SEMA3E: variants seen among roughly 807,000 people sequenced by gnomAD.
SEMA3E encodes the protein semaphorin-3E.
In SEMA3E, 49 loss-of-function variants were observed where a neutral mutation model predicts 93.6. The ratio of observed to expected loss-of-function variants is 0.52; its 90% confidence interval spans 0.42 to 0.66. SEMA3E has a LOEUF of 0.66. SEMA3E is among the 30% of genes least tolerant of loss of function. SEMA3E has a pLI of 0.00. For synonymous variants in SEMA3E, 363 were observed against 330.7 expected (o/e 1.10, Z -1.06); for missense variants, 906 against 964.8 (o/e 0.94, Z 0.81).
At chr7:83,564,499 G>C (rs1361210222) in intron 1 of SEMA3E, among the ~76,000 whole-genome samples, 1 of 152,006 alleles carries the variant, frequency 6.6e-6, no homozygotes, top group Non-Finnish European at 1.5e-5. Flanking sequence ...TCTCTATTTT[G>C]TACTGTTGTT....
At chr7:83,498,278 C>T (rs1050976249) in intron 1 of SEMA3E, among the ~76,000 whole-genome samples, 7 of 152,148 alleles carry the variant, frequency 4.6e-5, no homozygotes, top group Non-Finnish European at 1.0e-4. Flanking sequence ...TGGGGTTTAG[C>T]ATCCCTAACT....
At chr7:83,531,253 A>G (rs1791288708) in intron 1 of SEMA3E, among the ~76,000 whole-genome samples, 1 of 146,484 alleles carries the variant, frequency 6.8e-6, no homozygotes, top group African/African-American at 2.5e-5. Flanking sequence ...AGAAAATCAA[A>G]CAAGGAGTAA....
intron 1 of SEMA3E, among the ~76,000 whole-genome samples, chr7:83,610,303 TG>T (rs1793223917): frequency 6.6e-6 from 1 of 152,122 alleles, no homozygotes; most frequent in Admixed American, 6.6e-5. Flanking sequence ...TGAATGTGTG[TG>T]CATACTGAGT....
At chr7:83,531,319 T>C (rs2115726603) in intron 1 of SEMA3E, among the ~76,000 whole-genome samples, 1 of 149,778 alleles carries the variant, frequency 6.7e-6, no homozygotes, top group East Asian at 2.0e-4. Context: ...TGTGTGCATG[T>C]GTGCTTCTTG....
intron 2 of SEMA3E, among the ~76,000 whole-genome samples, chr7:83,489,453 A>C (rs1790334802): frequency 6.6e-6 from 1 of 152,066 alleles, no homozygotes; most frequent in Non-Finnish European, 1.5e-5. Flanking sequence ...CATAAAAATC[A>C]ATTATAAAGA....
chr7:83,491,212 C>G (rs1171497511), intron 1 of SEMA3E, among the ~76,000 whole-genome samples: 1 of 152,070 alleles, frequency 6.6e-6, no homozygotes, highest in Non-Finnish European at 1.5e-5. Context: ...ATCTACAGCA[C>G]TGTGCCCACT....
chr7:83,444,551 G>A (rs936294447), intron 4 of SEMA3E, among the ~76,000 whole-genome samples: 46 of 152,282 alleles, frequency 3.0e-4, no homozygotes, highest in African/African-American at 1.0e-3. Context: ...ACAGAGGGTA[G>A]ATGTAGCTAT....
intron 1 of SEMA3E, among the ~76,000 whole-genome samples, chr7:83,525,464 T>G (rs1791136403): frequency 6.6e-6 from 1 of 152,104 alleles, no homozygotes; most frequent in African/African-American, 2.4e-5. Context: ...ACATATGTTC[T>G]GTTTTCTCTT....
At position 83,517,365 on chromosome 7, in the gene SEMA3E, C is replaced by T. The variant is rs189583225; in HGVS notation, c.116-27091G>A. ...AGATTTGTACTAAAATCATCAACAA[C>T]GTTGAAAGCTTTACCCAAACACTTA... On this transcript the variant is annotated intron_variant, in intron 1 of 16. Coordinates refer to ENST00000643230, the MANE Select transcript of SEMA3E (RefSeq NM_012431.3). Among the ~76,000 whole-genome samples, 716 of 152,164 alleles carry T rather than the reference C, an allele frequency of 4.7e-3. 5 individuals carry two copies. Among genetic ancestry groups the T allele is most frequent in the Non-Finnish European group, 4.8e-3 (329 of 68,002 alleles).
At chr7:83,531,555 G>A (rs749567196) in intron 1 of SEMA3E, among the ~76,000 whole-genome samples, 12 of 151,862 alleles carry the variant, frequency 7.9e-5, no homozygotes, top group Non-Finnish European at 1.2e-4. Flanking sequence ...GTTTCACTAC[G>A]TTGGCCAGGC....
intron 4 of SEMA3E, among the ~76,000 whole-genome samples, chr7:83,420,384 G>A (rs1055755361): frequency 6.6e-6 from 1 of 152,086 alleles, no homozygotes; most frequent in Non-Finnish European, 1.5e-5. Context: ...ACTGCCCAAA[G>A]CAATCTACAG....
intron 1 of SEMA3E, among the ~76,000 whole-genome samples, chr7:83,593,834 T>C (rs1048669082): frequency 3.9e-5 from 6 of 152,140 alleles, no homozygotes; most frequent in East Asian, 1.9e-4. Context: ...AGTGTATCCA[T>C]ATATTTTTCA....
intron 1 of SEMA3E, among the ~76,000 whole-genome samples, chr7:83,604,800 A>T (rs1192158742): frequency 6.6e-6 from 1 of 151,962 alleles, no homozygotes; most frequent in East Asian, 1.9e-4. Flanking sequence ...CCACCCGCTG[A>T]TAGGCCCTGG....
chr7:83,534,714 A>C (rs2115739100), intron 1 of SEMA3E, among the ~76,000 whole-genome samples: 1 of 152,290 alleles, frequency 6.6e-6, no homozygotes, highest in Non-Finnish European at 1.5e-5. Context: ...TTAATGTATT[A>C]TCTATGACCA....
intron 4 of SEMA3E, among the ~76,000 whole-genome samples, chr7:83,446,390 C>A (rs1268337839): frequency 6.6e-6 from 1 of 152,130 alleles, no homozygotes; most frequent in Non-Finnish European, 1.5e-5. Flanking sequence ...TTCAACAGAA[C>A]CAAGGCCAAT....
rs571266072 is a variant in SEMA3E, at chr7:83,404,161, C to T, written c.998+1289G>A. ...GTTAAAACGTTAAGTACTCTCCATG[C>T]GCTGTGATAACTACCAATCTACATT... On this transcript the variant is annotated intron_variant, in intron 9 of 16. Transcript: ENST00000643230. Among the ~76,000 whole-genome samples the T allele has an allele frequency of 9.9e-5, 15 of 151,994 alleles. No homozygotes were observed. In the South Asian group the frequency reaches 1.0e-3, roughly 11 times the overall value.
At chr7:83,490,903 T>C (rs1017852566) in intron 1 of SEMA3E, among the ~76,000 whole-genome samples, 1 of 152,124 alleles carries the variant, frequency 6.6e-6, no homozygotes, top group Non-Finnish European at 1.5e-5. Context: ...AGTCAGAATC[T>C]GGCAAACCTC....
At position 83,440,309 on chromosome 7, in the gene SEMA3E, G is replaced by A. The variant is rs1208450385; in HGVS notation, c.457-21826C>T. 4.6e-5 allele frequency among the ~76,000 whole-genome samples: 7 copies of A among 152,140 alleles called. No homozygotes were observed. In the East Asian group the frequency reaches 7.8e-4, roughly 17 times the overall value. ...GGAGCCTATTTCTTGTCCTGGAGGT[G>A]GTAGGGTGGTCTGGTTTGGGAAAGG... On this transcript the variant is annotated intron_variant, in intron 4 of 16. Coordinates refer to ENST00000643230, the MANE Select transcript of SEMA3E (RefSeq NM_012431.3).
At chr7:83,377,358 G>A (rs1787667669) in intron 16 of SEMA3E, among the ~76,000 whole-genome samples, 1 of 151,860 alleles carries the variant, frequency 6.6e-6, no homozygotes, top group African/African-American at 2.4e-5. Flanking sequence ...TTAAATCAGG[G>A]ATCAAAAACT....
Sources: gnomAD v4.1 joint callset for allele counts (sites outside exome capture counted in the v4.1 genomes callset) on GRCh38, gnomAD v4.1.1 for gene constraint, MANE v1.5 for transcripts, NCBI Gene and HGNC (gene_info 2026-07-23, HGNC 2026-07-21) for gene names.